Variants in PRKAA1 observed in about 807,000 individuals in gnomAD.
PRKAA1 encodes the protein 5'-AMP-activated protein kinase catalytic subunit alpha-1.
Under a neutral mutation model 56.9 loss-of-function variants are expected in PRKAA1, and 23 were observed. The ratio of observed to expected loss-of-function variants is 0.40; its 90% CI spans 0.29 to 0.57. The LOEUF is 0.57. PRKAA1 is among the 20% of genes least tolerant of loss of function. PRKAA1 has a pLI of 0.39. For missense variants in PRKAA1, 413 were observed against 679.7 expected, an observed-to-expected ratio of 0.61 and a Z score of 4.36; for synonymous variants, 226 against 227.0, an observed-to-expected ratio of 1.00 and a Z score of 0.04.
At chr5:40,770,571 T>C (rs1475615962) in intron 4 of PRKAA1, among the ~76,000 whole-genome samples, 1 of 149,810 alleles carries the variant, frequency 6.7e-6, no homozygotes, top group East Asian at 1.9e-4. Context: ...GCAATTTATA[T>C]AGGAAATACA....
chr5:40,781,185 TTTTTAGAATTTAGGGA>T (rs568476517), intron 1 of PRKAA1, among the ~76,000 whole-genome samples: 136 of 152,278 alleles, frequency 8.9e-4, no homozygotes, highest in African/African-American at 3.2e-3. Flanking sequence ...ATGTGTGAGA[TTTTTAGAATTTAGGGA>T]TTCTGATTTT....
At position 40,761,156 on chromosome 5, in the gene PRKAA1, T is replaced by A. The variant is rs911002559; in HGVS notation, c.*1622A>T. 5.9e-5 allele frequency: 9 copies of A among 152,266 alleles called. No individual in the cohort carries two copies. The East Asian group carries it at 1.7e-3, about 29-fold the overall frequency. The allele number at this position is 152,266 out of a possible 1,614,324, so 9.4% of individuals were successfully genotyped here. On this transcript the variant is annotated 3_prime_UTR_variant, in exon 9 of 9. Transcript: ENST00000397128. ...CCATATTTTATCAAAATAATAATAA[T>A]GTTATATCCAACTAAAGAGTTATAA...
At chr5:40,770,654 C>T (rs1334499415) in intron 4 of PRKAA1, among the ~76,000 whole-genome samples, 1 of 140,636 alleles carries the variant, frequency 7.1e-6, no homozygotes, top group Admixed American at 7.6e-5. Context: ...GCCGGACAGG[C>T]GATCTCAACT....
chr5:40,763,543 A>C (rs929064727), intron 8 of PRKAA1, among the ~76,000 whole-genome samples: 1 of 152,158 alleles, frequency 6.6e-6, no homozygotes, highest in Non-Finnish European at 1.5e-5. Context: ...CTTTCCCTTC[A>C]TATTTCATTT....
chr5:40,789,625 TG>T (rs1744633907), intron 1 of PRKAA1, among the ~76,000 whole-genome samples: 1 of 152,106 alleles, frequency 6.6e-6, no homozygotes, highest in Non-Finnish European at 1.5e-5. Context: ...TACCAGTAGC[TG>T]GGGTAAGTGG....
chr5:40,769,003 C>T, intron 5 of PRKAA1: 1 of 1,133,154 alleles, frequency 8.8e-7, no homozygotes, highest in Non-Finnish European at 1.3e-6. Context: ...GCCCAGTTCC[C>T]CAAGACATTT....
At position 40,798,053 on chromosome 5, in the gene PRKAA1, G is replaced by A. The variant is rs1745021098; in HGVS notation, c.127+10C>T. On this transcript the variant is annotated intron_variant, in intron 1 of 8. Transcript: ENST00000397128. The stretch of plus-strand genomic sequence containing the variant: ...AGCTGGGGCCAAGCCTAGTCCCGCG[G>A]GGTTCTCACCCTTCACTTTGCCGAA... 2.5e-6 allele frequency: 4 copies of A among 1,607,770 alleles called. No individual in the cohort carries two copies. Among genetic ancestry groups the A allele is most frequent in the Admixed American group, 1.7e-5 (1 of 59,726 alleles).
Position 40,759,620 on chromosome 5 carries a change from G to A in PRKAA1, c.*3158C>T, listed in dbSNP as rs552082851. The A allele has an allele frequency of 1.3e-5, 2 of 152,372 alleles. No individual in the cohort carries two copies. Among genetic ancestry groups the A allele is most frequent in the Admixed American group, 6.5e-5 (1 of 15,296 alleles). 9.4% of individuals were successfully genotyped at this position (152,372 alleles called of 1,614,324 possible). ...GAAAGAATTAAGGGGAAAAAATTTG[G>A]ACAGCACACACTTTTCTTTCATTCC... On this transcript the variant is annotated 3_prime_UTR_variant, in exon 9 of 9. Coordinates refer to ENST00000397128, the MANE Select transcript of PRKAA1 (RefSeq NM_006251.6).
At chr5:40,769,768 CTTGCCATG>C (rs1322175408) in intron 4 of PRKAA1, among the ~76,000 whole-genome samples, 3 of 148,912 alleles carry the variant, frequency 2.0e-5, no homozygotes, top group Non-Finnish European at 4.4e-5. Context: ...TTAGAAAAAA[CTTGCCATG>C]TTTAAGTTTT....
Position 40,763,185 on chromosome 5 carries a change from T to C in PRKAA1, c.1436-163A>G, listed in dbSNP as rs537665127. On this transcript the variant is annotated intron_variant, in intron 8 of 8. Coordinates refer to ENST00000397128, the MANE Select transcript of PRKAA1 (RefSeq NM_006251.6). The stretch of plus-strand genomic sequence containing the variant: ...CAGTCAATGAGCCTGTATTAAACTA[T>C]TCATCTTTTTTACATATAGTATGTA... 9.8e-5 allele frequency among the ~76,000 whole-genome samples: 15 copies of C among 152,324 alleles called. No individual in the cohort carries two copies. The South Asian group carries it at 2.9e-3, about 29-fold the overall frequency.
chr5:40,783,963 G>A (rs539193759), intron 1 of PRKAA1, among the ~76,000 whole-genome samples: 2 of 152,018 alleles, frequency 1.3e-5, no homozygotes, highest in South Asian at 4.2e-4. Flanking sequence ...GTTTGACTTG[G>A]GCAAGTTAAA....
At chr5:40,786,735 G>A (rs951811357) in intron 1 of PRKAA1, among the ~76,000 whole-genome samples, 2 of 128,302 alleles carry the variant, frequency 1.6e-5, no homozygotes, top group East Asian at 5.1e-4. Context: ...GAGGTTAGGA[G>A]TTCAAAACTG....
chr5:40,780,657 G>A (rs987543956), intron 1 of PRKAA1, among the ~76,000 whole-genome samples: 4 of 152,156 alleles, frequency 2.6e-5, no homozygotes, highest in African/African-American at 4.8e-5. Context: ...AGGACCCAGG[G>A]GGCTGCTGGT....
At chr5:40,769,733 A>G (rs1358585726) in intron 4 of PRKAA1, among the ~76,000 whole-genome samples, 1 of 152,136 alleles carries the variant, frequency 6.6e-6, no homozygotes, top group Non-Finnish European at 1.5e-5. Flanking sequence ...ATACAAATAT[A>G]TTAAGCTGTT....
At chr5:40,787,762 AAAGT>A (rs1744557419) in intron 1 of PRKAA1, among the ~76,000 whole-genome samples, 2 of 152,224 alleles carry the variant, frequency 1.3e-5, no homozygotes, top group South Asian at 4.1e-4. Context: ...ACAAAGGGGG[AAAGT>A]AATAGAGAAA....
intron 5 of PRKAA1, chr5:40,769,017 C>A (rs1295829398): frequency 1.7e-5 from 17 of 1,026,038 alleles, no homozygotes; most frequent in Non-Finnish European, 2.4e-5. Context: ...GACATTTTAT[C>A]ATGAAACATA....
At chr5:40,774,650 C>T (rs1488190122) in intron 3 of PRKAA1, among the ~76,000 whole-genome samples, 1 of 139,060 alleles carries the variant, frequency 7.2e-6, no homozygotes, top group African/African-American at 2.7e-5. Context: ...TCAAAATTAA[C>T]TTGGTTAATA....
At position 40,771,811 on chromosome 5, in the gene PRKAA1, T is replaced by A. The variant is rs966217070; in HGVS notation, c.416A>T (p.Asp139Val). The change falls in exon 4 of 9, where the codon GAT (aspartate) becomes GTT (valine). Residue 139 changes from aspartate (D) to valine (V), a missense_variant. Physicochemically the swap from Asp to Val is radical, Grantham distance 152. Coordinates refer to ENST00000397128, the MANE Select transcript of PRKAA1 (RefSeq NM_006251.6). The stretch of plus-strand genomic sequence containing the variant: ...GACCACCATATGCCTGTGACAATAA[T>A]CCACACCAGAAAGGATCTGTTGGAA... Reference protein sequence around the residue: ...RLFQQILSGVDYCHRHMVVHR... With the variant: ...RLFQQILSGVVYCHRHMVVHR... 6.2e-7 allele frequency: 1 copy of A among 1,613,070 alleles called. No individual in the cohort carries two copies. The highest frequency in any genetic ancestry group is 1.3e-5 in the African/African-American group (1 of 74,856).
chr5:40,793,080 A>ATT (rs2112105050), intron 1 of PRKAA1, among the ~76,000 whole-genome samples: 1 of 152,032 alleles, frequency 6.6e-6, no homozygotes, highest in East Asian at 1.9e-4. Context: ...AAAAAAAAAA[A>ATT]GAAAAAGAAA....
Sources: gnomAD v4.1 joint callset for allele counts (sites outside exome capture counted in the v4.1 genomes callset) on GRCh38, gnomAD v4.1.1 for gene constraint, MANE v1.5 for transcripts, NCBI Gene and HGNC (gene_info 2026-07-23, HGNC 2026-07-21) for gene names.